Variants in ADK observed in about 807,000 individuals in gnomAD.
ADK encodes N6,N6-dimethyladenosine kinase.
ADK carries 24 observed loss-of-function variants against 44.7 expected under a neutral mutation model. The observed-to-expected ratio is 0.54, with a 90% CI of 0.39 to 0.76. ADK has a LOEUF of 0.76. ADK is among the 30% of genes least tolerant of loss of function. ADK has a pLI of 0.00. For synonymous variants in ADK, 128 were observed against 142.6 expected, an observed-to-expected ratio of 0.90 and a Z score of 0.73; for missense variants, 321 against 425.1, an observed-to-expected ratio of 0.76 and a Z score of 2.15.
At chr10:74,688,098 T>C (rs970125073) in intron 10 of ADK, among the ~76,000 whole-genome samples, 11 of 152,240 alleles carry the variant, frequency 7.2e-5, no homozygotes, top group African/African-American at 2.7e-4. Flanking sequence ...ATGATGTAGC[T>C]ATACTGTCAG....
At chr10:74,268,323 G>A (rs1386751315) in intron 3 of ADK, among the ~76,000 whole-genome samples, 1 of 151,568 alleles carries the variant, frequency 6.6e-6, no homozygotes, top group East Asian at 1.9e-4. Context: ...ATATCTTTAA[G>A]AAACAGCAAC....
At chr10:74,507,537 C>T (rs546371842) in intron 6 of ADK, among the ~76,000 whole-genome samples, 7 of 152,094 alleles carry the variant, frequency 4.6e-5, no homozygotes, top group African/African-American at 1.7e-4. Flanking sequence ...ATCGCTTGAG[C>T]CCAGGAGGCA....
At chr10:74,230,321 A>G (rs188280981) in intron 3 of ADK, among the ~76,000 whole-genome samples, 132 of 152,164 alleles carry the variant, frequency 8.7e-4, no homozygotes, top group African/African-American at 3.0e-3. Flanking sequence ...CAATATCCGT[A>G]TTTTATCATG....
intron 6 of ADK, among the ~76,000 whole-genome samples, chr10:74,431,763 G>A (rs370706180): frequency 8.0e-6 from 1 of 125,186 alleles, no homozygotes; most frequent in Non-Finnish European, 1.9e-5. Context: ...CAATCAATCA[G>A]TAAGATACAT....
At chr10:74,174,760 T>C (rs1842273624) in intron 1 of ADK, 1 of 152,272 alleles carries the variant, frequency 6.6e-6, no homozygotes, top group Admixed American at 6.5e-5. Context: ...ACGCCAAGTA[T>C]AGCTCAGTGT....
intron 2 of ADK, among the ~76,000 whole-genome samples, chr10:74,219,444 A>G (rs1283414380): frequency 2.6e-5 from 4 of 152,196 alleles, no homozygotes; most frequent in Non-Finnish European, 5.9e-5. Context: ...CCCACTATCA[A>G]CATTAGACAG....
intron 4 of ADK, among the ~76,000 whole-genome samples, chr10:74,354,071 T>C (rs1432438589): frequency 6.6e-6 from 1 of 152,194 alleles, no homozygotes; most frequent in African/African-American, 2.4e-5. Context: ...ATTCAACAAA[T>C]TGGTATACGA....
At chr10:74,701,804 G>T (rs554245829) in intron 10 of ADK, among the ~76,000 whole-genome samples, 6 of 152,228 alleles carry the variant, frequency 3.9e-5, no homozygotes, top group Admixed American at 3.3e-4. Context: ...AATTAGCCAG[G>T]CATGGTGGCT....
At chr10:74,520,331 A>G (rs367811594) in intron 6 of ADK, among the ~76,000 whole-genome samples, 29 of 150,846 alleles carry the variant, frequency 1.9e-4, no homozygotes, top group African/African-American at 4.9e-4. Flanking sequence ...TTTTTTTTCT[A>G]TATCACCATG....
At chr10:74,221,077 A>G (rs1844286973) in intron 2 of ADK, among the ~76,000 whole-genome samples, 1 of 146,276 alleles carries the variant, frequency 6.8e-6, no homozygotes, top group South Asian at 2.2e-4. Flanking sequence ...AGGAAGTCAA[A>G]TTGTCCCTGT....
At chr10:74,450,143 C>CA (rs1486621740) in intron 6 of ADK, among the ~76,000 whole-genome samples, 1 of 151,912 alleles carries the variant, frequency 6.6e-6, no homozygotes, top group Non-Finnish European at 1.5e-5. Context: ...TCTGTCTCCA[C>CA]AAAAAATTAA....
chr10:74,525,497 T>C, intron 7 of ADK, 71 bp downstream of exon 7: 1 of 1,307,792 alleles, frequency 7.6e-7, no homozygotes, highest in Non-Finnish European at 1.1e-6. Context: ...TGTGTATATA[T>C]GTTTAGAAAT....
At chr10:74,307,096 TC>T (rs982139911) in intron 3 of ADK, among the ~76,000 whole-genome samples, 3 of 152,062 alleles carry the variant, frequency 2.0e-5, no homozygotes, top group Non-Finnish European at 2.9e-5. Context: ...AGTATATCCT[TC>T]CCCCCAAACC....
At chr10:74,406,520 T>G (rs2395089) in intron 6 of ADK, among the ~76,000 whole-genome samples, 677 of 57,610 alleles carry the variant, frequency 0.012, 4 homozygotes, top group Admixed American at 0.029. Context: ...ATAATAATAA[T>G]AATAATAAGA....
chr10:74,564,978 C>T (rs1416232043), intron 7 of ADK, among the ~76,000 whole-genome samples: 6 of 152,096 alleles, frequency 3.9e-5, no homozygotes, highest in African/African-American at 9.7e-5. Flanking sequence ...TTGGCCAAGG[C>T]TTCAATAGCT....
chr10:74,195,081 T>TC (rs201672927), intron 1 of ADK, among the ~76,000 whole-genome samples: 6,994 of 92,046 alleles, frequency 0.076, 451 homozygotes, highest in African/African-American at 0.22. Context: ...TACTGACCGC[T>TC]CCCCCCCCCA....
At chr10:74,470,208 G>A (rs1846516690) in intron 6 of ADK, among the ~76,000 whole-genome samples, 1 of 151,572 alleles carries the variant, frequency 6.6e-6, no homozygotes, top group South Asian at 2.1e-4. Context: ...TATCTTTAGT[G>A]GAGACAGGGT....
intron 2 of ADK, among the ~76,000 whole-genome samples, chr10:74,202,403 G>A (rs957130688): frequency 1.3e-5 from 2 of 152,060 alleles, no homozygotes; most frequent in African/African-American, 4.8e-5. Flanking sequence ...TGTCTATTAG[G>A]AACAATGCTT....
At chr10:74,545,019 C>T (rs1419059298) in intron 7 of ADK, among the ~76,000 whole-genome samples, 1 of 151,706 alleles carries the variant, frequency 6.6e-6, no homozygotes, top group Non-Finnish European at 1.5e-5. Flanking sequence ...TTTACTAAAG[C>T]GAACAATTGG....
Sources: allele counts gnomAD v4.1 joint callset (sites outside exome capture counted in the v4.1 genomes callset), GRCh38; gene constraint gnomAD v4.1.1; transcripts MANE v1.5; gene names NCBI Gene and HGNC (gene_info 2026-07-23, HGNC 2026-07-21).